Variants in NCOA6 observed in about 807,000 individuals in gnomAD.
The protein encoded by NCOA6 is nuclear receptor coactivator 6.
NCOA6 carries 49 observed loss-of-function variants against 171.4 expected under a neutral mutation model. That is an observed-to-expected ratio of 0.29 (90% confidence interval 0.23 to 0.36). The LOEUF (loss-of-function observed/expected upper bound fraction) is 0.36, where lower values mean the gene tolerates loss of function less well. Ranked by LOEUF, NCOA6 falls within the 10% of genes least tolerant of loss-of-function variation. NCOA6 has a pLI of 1.00. For missense variants in NCOA6, 2,248 were observed against 2,554.5 expected (o/e 0.88, Z 2.59); for synonymous variants, 910 against 927.5 (o/e 0.98, Z 0.34).
intron 1 of NCOA6, among the ~76,000 whole-genome samples, chr20:34,802,079 G>A (rs1455059241): frequency 1.3e-5 from 2 of 152,016 alleles, no homozygotes; most frequent in African/African-American, 4.8e-5. Context: ...CAAAAGCAAA[G>A]AAACATCAAA....
At chr20:34,822,470 A>T (rs752053702) in intron 1 of NCOA6, among the ~76,000 whole-genome samples, 2 of 152,148 alleles carry the variant, frequency 1.3e-5, no homozygotes, top group Admixed American at 6.6e-5. Context: ...GACACATCTC[A>T]AATGTCACCC....
chr20:34,781,509 C>T (rs1368608516), intron 3 of NCOA6, among the ~76,000 whole-genome samples: 1 of 152,182 alleles, frequency 6.6e-6, no homozygotes, highest in African/African-American at 2.4e-5. Flanking sequence ...AGAGGGAGAA[C>T]TCAATGTTAT....
chr20:34,763,673 G>C (rs1198000208), intron 5 of NCOA6, among the ~76,000 whole-genome samples: 1 of 152,140 alleles, frequency 6.6e-6, no homozygotes, highest in Non-Finnish European at 1.5e-5. Flanking sequence ...TAATGACTTA[G>C]CCTGGCTATT....
intron 11 of NCOA6, chr20:34,738,851 G>A (rs1408791335): frequency 2.2e-6 from 1 of 455,782 alleles, no homozygotes; most frequent in Non-Finnish European, 4.4e-6. Context: ...TTTGAACTCT[G>A]ATCTTACCCT....
intron 3 of NCOA6, among the ~76,000 whole-genome samples, chr20:34,781,392 C>T (rs1428972122): frequency 6.6e-6 from 1 of 152,142 alleles, no homozygotes; most frequent in Non-Finnish European, 1.5e-5. Context: ...ACCACAAATG[C>T]CCGTAAGATA....
intron 1 of NCOA6, among the ~76,000 whole-genome samples, 157 bp downstream of exon 1, chr20:34,825,315 C>T (rs1339289514): frequency 6.6e-6 from 1 of 150,934 alleles, no homozygotes; most frequent in Non-Finnish European, 1.5e-5. Context: ...GGGGCGGCTC[C>T]GGGCCGGGCC....
chr20:34,794,485 C>T (rs769151504), intron 1 of NCOA6, among the ~76,000 whole-genome samples: 6 of 151,672 alleles, frequency 4.0e-5, no homozygotes, highest in Non-Finnish European at 8.8e-5. Flanking sequence ...AATTATAGAA[C>T]ATCCTTAAAA....
At chr20:34,724,163 TC>T (rs2146978107) in intron 14 of NCOA6, among the ~76,000 whole-genome samples, 1 of 152,330 alleles carries the variant, frequency 6.6e-6, no homozygotes, top group Non-Finnish European at 1.5e-5. Context: ...GTTATTGGCT[TC>T]ATATCTCCAC....
At chr20:34,727,540 CA>C (rs1218219822) in intron 13 of NCOA6, 133 bp from the exon 14 acceptor site, 1 of 933,998 alleles carries the variant, frequency 1.1e-6, no homozygotes, top group Admixed American at 2.6e-5. Flanking sequence ...GAAAGCAGTT[CA>C]ACCTGGGGTA....
At chr20:34,808,960 A>C (rs2078558215) in intron 1 of NCOA6, among the ~76,000 whole-genome samples, 1 of 152,218 alleles carries the variant, frequency 6.6e-6, no homozygotes, top group Non-Finnish European at 1.5e-5. Flanking sequence ...TGACAGAGAG[A>C]GAGGCAGCTG....
chr20:34,743,391 T>C (rs1280624670), intron 10 of NCOA6, 50 bp from the exon 11 acceptor site: 1 of 1,543,868 alleles, frequency 6.5e-7, no homozygotes, highest in East Asian at 2.3e-5. Context: ...AGCAAGAAAA[T>C]GTTGCTACCT....
intron 13 of NCOA6, among the ~76,000 whole-genome samples, chr20:34,729,428 A>AT (rs1177391153): frequency 6.6e-6 from 1 of 152,158 alleles, no homozygotes; most frequent in African/African-American, 2.4e-5. Context: ...TTCTTTAATA[A>AT]TTTTTTACAC....
At position 34,727,230 on chromosome 20, in the gene NCOA6, A is replaced by G. The variant is rs755319872; in HGVS notation, c.6148+29T>C. The G allele has an allele frequency of 1.8e-5, 29 of 1,609,438 alleles. 1 individual carries two copies. In the South Asian group the frequency reaches 2.4e-4, roughly 13 times the overall value. ...AGAACTCTATTCCTCTATTTGACCC[A>G]CAAATAGCACCCACATCCCACTGCT... On this transcript the variant is annotated intron_variant, in intron 14 of 14. Transcript: ENST00000359003.
At chr20:34,804,246 AG>A (rs1326700258) in intron 1 of NCOA6, among the ~76,000 whole-genome samples, 3 of 151,786 alleles carry the variant, frequency 2.0e-5, no homozygotes, top group Non-Finnish European at 4.4e-5. Context: ...CTAAGGCAGG[AG>A]AATCATTTGA....
intron 14 of NCOA6, among the ~76,000 whole-genome samples, chr20:34,725,747 T>C (rs1282252110): frequency 1.3e-5 from 2 of 152,084 alleles, no homozygotes; most frequent in Non-Finnish European, 2.9e-5. Context: ...AATGGATAGA[T>C]GGTGGTGCCA....
chr20:34,783,260 C>A (rs976610324), intron 2 of NCOA6, among the ~76,000 whole-genome samples: 4 of 151,406 alleles, frequency 2.6e-5, no homozygotes, highest in African/African-American at 7.3e-5. Flanking sequence ...CCAGCCTGGG[C>A]AACAGAGCAA....
At chr20:34,774,058 T>A (rs2077234759) in intron 4 of NCOA6, among the ~76,000 whole-genome samples, 1 of 152,260 alleles carries the variant, frequency 6.6e-6, no homozygotes, top group Admixed American at 6.5e-5. Flanking sequence ...AGTACTCATG[T>A]TTAAATTTAT....
At chr20:34,745,766 A>T (rs1201860173) in intron 10 of NCOA6, among the ~76,000 whole-genome samples, 2 of 152,166 alleles carry the variant, frequency 1.3e-5, no homozygotes, top group African/African-American at 4.8e-5. Context: ...TAGGGGAATA[A>T]AGTTACAAGT....
At chr20:34,780,980 A>G (rs1377774635) in intron 3 of NCOA6, among the ~76,000 whole-genome samples, 3 of 152,212 alleles carry the variant, frequency 2.0e-5, no homozygotes, top group Non-Finnish European at 4.4e-5. Flanking sequence ...TTTGAAAGCC[A>G]TAAATAAATT....
Sources: allele counts gnomAD v4.1 joint callset (sites outside exome capture counted in the v4.1 genomes callset), GRCh38; gene constraint gnomAD v4.1.1; transcripts MANE v1.5; gene names NCBI Gene and HGNC (gene_info 2026-07-23, HGNC 2026-07-21).